Variants in TMCC1 observed in about 807,000 individuals in gnomAD.
TMCC1 encodes transmembrane and coiled-coil domains protein 1.
TMCC1 carries 15 observed loss-of-function variants against 52.4 expected under a neutral mutation model. That is an observed-to-expected ratio of 0.29 (90% CI 0.19 to 0.44). The LOEUF (loss-of-function observed/expected upper bound fraction) is 0.44. TMCC1 is among the 20% of genes least tolerant of loss of function. TMCC1 has a pLI of 1.00. For synonymous variants in TMCC1, 279 were observed against 301.9 expected (o/e 0.92, Z 0.79); for missense variants, 503 against 806.0 (o/e 0.62, Z 4.55).
rs1332234735 is a variant in TMCC1 at position 129,869,302 on chromosome 3, TC to T, written c.-184+11006del. Among the ~76,000 whole-genome samples the T allele has an allele frequency of 2.0e-5, 3 of 152,106 alleles. No individual in the cohort carries two copies. The South Asian group carries it at 6.2e-4, about 32-fold the overall frequency. Reference sequence around the variant, plus strand: ...AGAGGACATGAAAGCCTCACACCCCTCCCCCATAGCTTGCCCTATGTATTTA... The same window carrying T: ...AGAGGACATGAAAGCCTCACACCCCTCCCCATAGCTTGCCCTATGTATTTA... On this transcript the variant is annotated intron_variant, in intron 2 of 6. Coordinates refer to ENST00000393238, the MANE Select transcript of TMCC1 (RefSeq NM_001017395.5).
chr3:129,755,801 C>G (rs2052946333), intron 4 of TMCC1, among the ~76,000 whole-genome samples: 1 of 152,188 alleles, frequency 6.6e-6, no homozygotes, highest in Non-Finnish European at 1.5e-5. Flanking sequence ...ATGGCACATT[C>G]AGTTTATAAG....
chr3:129,677,790 A>G (rs1003066545), intron 4 of TMCC1, among the ~76,000 whole-genome samples: 3 of 151,994 alleles, frequency 2.0e-5, no homozygotes, highest in Non-Finnish European at 4.4e-5. Context: ...AGGACTAATT[A>G]CTCTTCTTAC....
intron 4 of TMCC1, among the ~76,000 whole-genome samples, chr3:129,726,158 G>A (rs1312006985): frequency 6.6e-6 from 1 of 152,144 alleles, no homozygotes; most frequent in Non-Finnish European, 1.5e-5. Flanking sequence ...GGAGAAGTAG[G>A]ACTAACAACA....
chr3:129,712,191 A>C (rs1329004076), intron 4 of TMCC1, among the ~76,000 whole-genome samples: 6 of 151,912 alleles, frequency 3.9e-5, no homozygotes, highest in African/African-American at 7.3e-5. Context: ...TAAACAAATA[A>C]ATAAAGAAAT....
At position 129,700,752 on chromosome 3, in the gene TMCC1, G is replaced by A. The variant is rs541808814; in HGVS notation, c.577-29488C>T. ...AGCCTCTCAAAGTGCTGGGATTACA[G>A]GCGTGAGCCACTGCGCCCAGCCAAA... On this transcript the variant is annotated intron_variant, in intron 4 of 6. Coordinates refer to ENST00000393238, the MANE Select transcript of TMCC1 (RefSeq NM_001017395.5). 4.0e-5 allele frequency among the ~76,000 whole-genome samples: 6 copies of A among 151,614 alleles called. No individual in the cohort carries two copies. In the East Asian group the frequency reaches 1.2e-3, roughly 29 times the overall value.
At chr3:129,881,304 A>G (rs1355542527) in intron 1 of TMCC1, among the ~76,000 whole-genome samples, 1 of 152,212 alleles carries the variant, frequency 6.6e-6, no homozygotes, top group African/African-American at 2.4e-5. Context: ...TCTCTCTCTG[A>G]TAATAGTAAA....
intron 4 of TMCC1, among the ~76,000 whole-genome samples, chr3:129,775,274 C>G (rs1371071626): frequency 6.6e-6 from 1 of 151,972 alleles, no homozygotes; most frequent in Non-Finnish European, 1.5e-5. Flanking sequence ...GCATGACAAC[C>G]CCACCACCAC....
chr3:129,709,652 T>C (rs1277352034), intron 4 of TMCC1, among the ~76,000 whole-genome samples: 3 of 152,118 alleles, frequency 2.0e-5, no homozygotes, highest in Non-Finnish European at 4.4e-5. Flanking sequence ...TAAAAATAAC[T>C]AGAAATGAAG....
rs548446924 is a variant in TMCC1 at position 129,788,624 on chromosome 3, G to A, written c.576+39179C>T. On this transcript the variant is annotated intron_variant, in intron 4 of 6. Coordinates refer to ENST00000393238, the MANE Select transcript of TMCC1 (RefSeq NM_001017395.5). The stretch of plus-strand genomic sequence containing the variant: ...ACTACAGGCGCCCGCCACCACGCCC[G>A]GCTAATTTTTTTTTTTTGTATTTTT... Among the ~76,000 whole-genome samples the A allele has an allele frequency of 3.2e-3, 490 of 151,866 alleles. 4 individuals carry two copies. Among genetic ancestry groups the A allele is most frequent in the Non-Finnish European group, 3.8e-3 (260 of 67,938 alleles).
At chr3:129,706,170 G>C (rs536832547) in intron 4 of TMCC1, among the ~76,000 whole-genome samples, 1 of 150,182 alleles carries the variant, frequency 6.7e-6, no homozygotes, top group South Asian at 2.1e-4. Flanking sequence ...GGATACAGGC[G>C]TGAGCCACCG....
At chr3:129,680,809 G>A (rs1052124715) in intron 4 of TMCC1, among the ~76,000 whole-genome samples, 1 of 152,064 alleles carries the variant, frequency 6.6e-6, no homozygotes, top group African/African-American at 2.4e-5. Context: ...ACTGAGGCAT[G>A]AGAATTGCTT....
At chr3:129,747,768 T>C (rs951831467) in intron 4 of TMCC1, among the ~76,000 whole-genome samples, 2 of 152,066 alleles carry the variant, frequency 1.3e-5, no homozygotes, top group African/African-American at 4.8e-5. Flanking sequence ...TCCGACCCCT[T>C]ATCATCACGC....
intron 5 of TMCC1, among the ~76,000 whole-genome samples, chr3:129,668,808 A>G (rs1368945330): frequency 6.6e-6 from 1 of 152,082 alleles, no homozygotes; most frequent in Admixed American, 6.6e-5. Context: ...TATTTTTAGT[A>G]GAGACAAGGT....
Position 129,727,467 on chromosome 3 carries a change from T to G in TMCC1, c.577-56203A>C, listed in dbSNP as rs537646347. Among the ~76,000 whole-genome samples, 15 of 152,300 alleles carry G rather than the reference T, an allele frequency of 9.8e-5. 1 individual carries two copies. In the South Asian group the frequency reaches 3.1e-3, roughly 32 times the overall value. On this transcript the variant is annotated intron_variant, in intron 4 of 6. Transcript: ENST00000393238. ...GGGCTTCATTTTTATAAATATGAAT[T>G]TTAAATCTTTATAAAGATGTAAGTC...
At chr3:129,838,304 G>A (rs1157434814) in intron 2 of TMCC1, among the ~76,000 whole-genome samples, 2 of 152,108 alleles carry the variant, frequency 1.3e-5, no homozygotes, top group Non-Finnish European at 2.9e-5. Flanking sequence ...TACTTGAGAA[G>A]CCTGGGCCCT....
intron 2 of TMCC1, among the ~76,000 whole-genome samples, chr3:129,877,286 T>C (rs1031600567): frequency 3.3e-5 from 5 of 152,182 alleles, no homozygotes; most frequent in African/African-American, 1.2e-4. Context: ...ATCTCAATTG[T>C]AGTATTTGAC....
Position 129,677,137 on chromosome 3 carries a change from C to T in TMCC1, c.577-5873G>A, listed in dbSNP as rs372010785. 2.6e-5 allele frequency among the ~76,000 whole-genome samples: 4 copies of T among 151,872 alleles called. No individual in the cohort carries two copies. In the East Asian group the frequency reaches 5.8e-4, roughly 22 times the overall value. ...AAATTTGGCCGGGTATGGTGGCACACGTCTGTAGTCCCAGCTACTCAGGAG... is the reference window on the plus strand; with the variant it reads ...AAATTTGGCCGGGTATGGTGGCACATGTCTGTAGTCCCAGCTACTCAGGAG... On this transcript the variant is annotated intron_variant, in intron 4 of 6. Transcript: ENST00000393238.
intron 4 of TMCC1, among the ~76,000 whole-genome samples, chr3:129,777,201 T>C (rs1051150671): frequency 5.3e-5 from 8 of 152,162 alleles, no homozygotes; most frequent in African/African-American, 1.9e-4. Context: ...CAAGATCTTG[T>C]TTATAAAGTG....
At chr3:129,769,880 A>G (rs1335832293) in intron 4 of TMCC1, among the ~76,000 whole-genome samples, 1 of 152,210 alleles carries the variant, frequency 6.6e-6, no homozygotes, top group Non-Finnish European at 1.5e-5. Flanking sequence ...TTCAGTATTA[A>G]TCAGAAGCCC....
Sources: allele counts gnomAD v4.1 joint callset (sites outside exome capture counted in the v4.1 genomes callset), GRCh38; gene constraint gnomAD v4.1.1; transcripts MANE v1.5; gene names NCBI Gene and HGNC (gene_info 2026-07-23, HGNC 2026-07-21).